Variants in TMED9 observed in about 807,000 individuals in gnomAD.
TMED9 encodes transmembrane p24 trafficking protein 9.
Under a neutral mutation model 30.6 loss-of-function variants are expected in TMED9, and 22 were observed. That is an observed-to-expected ratio of 0.72 (90% CI 0.51 to 1.03). The LOEUF (loss-of-function observed/expected upper bound fraction) is 1.03, where lower values mean the gene tolerates loss of function less well. Ranked by LOEUF, TMED9 falls within the 50% of genes least tolerant of loss-of-function variation. The pLI is 0.00. For synonymous variants in TMED9, 146 were observed against 122.8 expected (o/e 1.19, Z -1.25); for missense variants, 251 against 302.1 (o/e 0.83, Z 1.25).
chr5:177,596,955 G>T lies in TMED9; in HGVS notation c.*1539G>T, dbSNP rs188574549. On this transcript the variant is annotated 3_prime_UTR_variant, in exon 5 of 5. Coordinates refer to ENST00000332598, the MANE Select transcript of TMED9 (RefSeq NM_017510.6). Reference sequence around the variant, plus strand: ...CTGTTGGGGGTTGGGGGAGGCAAATGGGCAGGCAGTTTTGAGAAGAACCTT... The same window carrying T: ...CTGTTGGGGGTTGGGGGAGGCAAATTGGCAGGCAGTTTTGAGAAGAACCTT... 9.9e-5 allele frequency among the ~76,000 whole-genome samples: 15 copies of T among 152,260 alleles called. No individual in the cohort carries two copies. The East Asian group carries it at 2.9e-3, about 29-fold the overall frequency.
Position 177,595,868 on chromosome 5 carries a change from C to T in TMED9, c.*452C>T, listed in dbSNP as rs1767681308. ...CACTGTTCTCTCTTTCAGCCTAGAC[C>T]TGCTGATCCAGGGTGTGTGTGAGTT... On this transcript the variant is annotated 3_prime_UTR_variant, in exon 5 of 5. Transcript: ENST00000332598. 1 of 153,386 alleles carries T rather than the reference C, an allele frequency of 6.5e-6. No individual in the cohort carries two copies. Among genetic ancestry groups the T allele is most frequent in the Admixed American group, 6.5e-5 (1 of 15,342 alleles). The allele number at this position is 153,386 out of a possible 1,614,324, so 9.5% of individuals were successfully genotyped here.
Position 177,595,432 on chromosome 5 carries a change from C to A in TMED9, c.*16C>A. The A allele has an allele frequency of 6.3e-7, 1 of 1,594,550 alleles. No homozygotes were observed. Among genetic ancestry groups the A allele is most frequent in the Non-Finnish European group, 8.6e-7 (1 of 1,166,098 alleles). On this transcript the variant is annotated 3_prime_UTR_variant, in exon 5 of 5. Coordinates refer to ENST00000332598, the MANE Select transcript of TMED9 (RefSeq NM_017510.6). ...GCTTGTGTAGCTGTCCCAGGCGTCA[C>A]AACCCATCCTCCCAGGCTGGGGGAG...
At chr5:177,594,325 A>G (rs376214139) in intron 4 of TMED9, 40 bp downstream of exon 4, 31 of 1,607,258 alleles carry the variant, frequency 1.9e-5, no homozygotes, top group Non-Finnish European at 2.6e-5. Context: ...TCTCCCTAGA[A>G]GCTGCCCACT....
chr5:177,592,503 C>T (rs1767606571), intron 1 of TMED9, 72 bp from the exon 2 acceptor site: 3 of 1,560,158 alleles, frequency 1.9e-6, no homozygotes, highest in African/African-American at 1.4e-5. Context: ...ACGGCCTCGC[C>T]GTGCCCAGGC....
Position 177,596,385 on chromosome 5 carries a change from A to C in TMED9, c.*969A>C, listed in dbSNP as rs1452015473. On this transcript the variant is annotated 3_prime_UTR_variant, in exon 5 of 5. Coordinates refer to ENST00000332598, the MANE Select transcript of TMED9 (RefSeq NM_017510.6). ...GAAGTTCCCTCTTTCTAGAGTCAGT[A>C]AGCAGGATTGTCATGGATGCTGCCA... is the stretch of plus-strand genomic sequence containing the variant. 6.6e-6 allele frequency among the ~76,000 whole-genome samples: 1 copy of C among 152,140 alleles called. No homozygotes were observed. The highest frequency in any genetic ancestry group is 2.1e-4 in the South Asian group (1 of 4,822).
rs146269485 is a variant in TMED9, at chr5:177,593,599, C to G, written c.286-51C>G. The G allele has an allele frequency of 9.0e-3, 14,416 of 1,609,708 alleles. 170 individuals are homozygous for G. Among genetic ancestry groups the G allele is most frequent in the Middle Eastern group, 0.064 (389 of 6,032 alleles). ...TTAGAGCCTTAAGCACTGTTTTCCT[C>G]CATTCCCATCCCTACCATAATACTG... On this transcript the variant is annotated intron_variant, in intron 2 of 4. Transcript: ENST00000332598.
intron 4 of TMED9, 80 bp from the exon 5 acceptor site, chr5:177,595,187 C>A: frequency 3.5e-6 from 5 of 1,441,196 alleles, no homozygotes; most frequent in Non-Finnish European, 4.6e-6. Flanking sequence ...AGCTGGCTGA[C>A]CTTGGGCATC....
rs1487347705 is a variant in TMED9 at position 177,595,417 on chromosome 5, C to T, written c.*1C>T. 1 of 1,605,562 alleles carries T rather than the reference C, an allele frequency of 6.2e-7. No homozygotes were observed. Among genetic ancestry groups the T allele is most frequent in the East Asian group, 2.2e-5 (1 of 44,576 alleles). On this transcript the variant is annotated 3_prime_UTR_variant, in exon 5 of 5. Transcript: ENST00000332598. ...CTTTGAAGCCAAGAAGCTTGTGTAG[C>T]TGTCCCAGGCGTCACAACCCATCCT...
chr5:177,595,799 TG>T lies in TMED9; in HGVS notation c.*387del, dbSNP rs1767679803. 6.4e-6 allele frequency: 1 copy of T among 156,506 alleles called. No homozygotes were observed. Among genetic ancestry groups the T allele is most frequent in the African/African-American group, 2.4e-5 (1 of 41,524 alleles). 9.7% of individuals were successfully genotyped at this position (156,506 alleles called of 1,614,324 possible). A position where few individuals can be genotyped will look rare whatever the true frequency, so the allele number is the denominator to read the frequency against. ...TGCTAACTTAGGGTTTTGAGCAGGT[TG>T]GGGTATGGTGCCTGTCATACCCACC... On this transcript the variant is annotated 3_prime_UTR_variant, in exon 5 of 5. Coordinates refer to ENST00000332598, the MANE Select transcript of TMED9 (RefSeq NM_017510.6).
At position 177,595,504 on chromosome 5, in the gene TMED9, C is replaced by T. The variant is rs1425624362; in HGVS notation, c.*88C>T. On this transcript the variant is annotated 3_prime_UTR_variant, in exon 5 of 5. Coordinates refer to ENST00000332598, the MANE Select transcript of TMED9 (RefSeq NM_017510.6). ...TTCTTCTGTCAGGAGGACTGGTTTC[C>T]AGCCATACCTGTTCTGGAAGGGAGA... 33 of 1,479,606 alleles carry T rather than the reference C, an allele frequency of 2.2e-5. No individual in the cohort carries two copies. The highest frequency in any genetic ancestry group is 2.8e-5 in the African/African-American group (2 of 71,396). The allele number at this position is 1,479,606 out of a possible 1,614,324, so 91.7% of individuals were successfully genotyped here.
At chr5:177,594,562 G>A (rs1767650558) in intron 4 of TMED9, among the ~76,000 whole-genome samples, 1 of 152,102 alleles carries the variant, frequency 6.6e-6, no homozygotes, top group Non-Finnish European at 1.5e-5. Context: ...ATGCTCCCAG[G>A]ACCAGGGTCT....
Position 177,596,159 on chromosome 5 carries a change from G to C in TMED9, c.*743G>C, listed in dbSNP as rs1767687637. The C allele has an allele frequency of 6.6e-6, 1 of 152,600 alleles. No individual in the cohort carries two copies. The highest frequency in any genetic ancestry group is 2.1e-4 in the South Asian group (1 of 4,834). 9.5% of individuals were successfully genotyped at this position (152,600 alleles called of 1,614,324 possible). A position where few individuals can be genotyped will look rare whatever the true frequency, so the allele number is the denominator to read the frequency against. On this transcript the variant is annotated 3_prime_UTR_variant, in exon 5 of 5. Transcript: ENST00000332598. Reference sequence around the variant, plus strand: ...CAGTCATCAGTGGGCACACACTGCAGGGTGCCTCAGGGAATGCCAGTTCTT... The same window carrying C: ...CAGTCATCAGTGGGCACACACTGCACGGTGCCTCAGGGAATGCCAGTTCTT...
At position 177,592,557 on chromosome 5, in the gene TMED9, C is replaced by A; in HGVS notation, c.185-18C>A. On this transcript the variant is annotated intron_variant, in intron 1 of 4. Coordinates refer to ENST00000332598, the MANE Select transcript of TMED9 (RefSeq NM_017510.6). ...ACCTCGCGCTCCTCTGACCTGGGCTCGCCCTGCTTCCCTCAAGGAAACTAC... is the reference window on the plus strand; with the variant it reads ...ACCTCGCGCTCCTCTGACCTGGGCTAGCCCTGCTTCCCTCAAGGAAACTAC... 6.2e-7 allele frequency: 1 copy of A among 1,606,610 alleles called. No homozygotes were observed. The highest frequency in any genetic ancestry group is 2.2e-5 in the East Asian group (1 of 44,708).
Position 177,593,704 on chromosome 5 carries a change from A to G in TMED9, c.340A>G (p.Thr114Ala). The change falls in exon 3 of 5, where the codon ACC becomes GCC. Residue 114 changes from threonine to alanine, a missense_variant. Transcript: ENST00000332598. Reference protein sequence around the residue: ...SEGRFTFTSHTPGEHQICLHS... With the variant: ...SEGRFTFTSHAPGEHQICLHS... ...GGGCAGGTTCACTTTCACTTCCCATACCCCTGGTGAGCACCAGATCTGTCT... is the reference window on the plus strand; with the variant it reads ...GGGCAGGTTCACTTTCACTTCCCATGCCCCTGGTGAGCACCAGATCTGTCT... The G allele has an allele frequency of 6.2e-7, 1 of 1,613,828 alleles. No individual in the cohort carries two copies. Among genetic ancestry groups the G allele is most frequent in the Non-Finnish European group, 8.5e-7 (1 of 1,179,974 alleles).
chr5:177,596,145 G>A lies in TMED9; in HGVS notation c.*729G>A, dbSNP rs774046123. Reference sequence around the variant, plus strand: ...CAGTGCAAGTGACTCAGTCATCAGTGGGCACACACTGCAGGGTGCCTCAGG... The same window carrying A: ...CAGTGCAAGTGACTCAGTCATCAGTAGGCACACACTGCAGGGTGCCTCAGG... On this transcript the variant is annotated 3_prime_UTR_variant, in exon 5 of 5. Transcript: ENST00000332598. 1 of 152,604 alleles carries A rather than the reference G, an allele frequency of 6.6e-6. No homozygotes were observed. The highest frequency in any genetic ancestry group is 1.5e-5 in the Non-Finnish European group (1 of 68,054). 9.5% of individuals were successfully genotyped at this position (152,604 alleles called of 1,614,324 possible). A position where few individuals can be genotyped will look rare whatever the true frequency, so the allele number is the denominator to read the frequency against.
chr5:177,593,306 A>G, intron 2 of TMED9: 1 of 210,548 alleles, frequency 4.7e-6, no homozygotes, highest in Non-Finnish European at 9.6e-6. Context: ...AGCCAGGACG[A>G]CAGAGTGAGA....
In TMED9 at chr5:177,594,374, C is replaced by G. The variant is rs895290630; in HGVS notation, c.558+89C>G. On this transcript the variant is annotated intron_variant, in intron 4 of 4. Transcript: ENST00000332598. ...ATTTCACATTAAATTCATTCTGAGA[C>G]CCCCAAGGGACTTACCTGCACTGCA... 1.1e-5 allele frequency: 16 copies of G among 1,500,640 alleles called. No individual in the cohort carries two copies. The Admixed American group carries it at 1.4e-4, about 13-fold the overall frequency. The allele number at this position is 1,500,640 out of a possible 1,614,324, so 93.0% of individuals were successfully genotyped here.
Position 177,592,318 on chromosome 5 carries a change from G to C in TMED9, c.104G>C (p.Gly35Ala). ...CTGGTGCTGTGGCTGGCGACGCGCG[G>C]AAGCGCGCTCTACTTTCACATCGGA... ...LLLVLWLATR[G>A]SALYFHIGET... The change falls in exon 1 of 5, where the codon GGA becomes GCA. Residue 35 changes from glycine to alanine, a missense_variant. Physicochemically the swap from Gly to Ala is moderately conservative, Grantham distance 60 (BLOSUM62 0). Around this residue, in one of 2 missense-constraint regions of TMED9, gnomAD observed 98 missense variants for 62.5 expected, o/e 1.57. Coordinates refer to ENST00000332598, the MANE Select transcript of TMED9 (RefSeq NM_017510.6). 3 of 1,606,384 alleles carry C rather than the reference G, an allele frequency of 1.9e-6. No homozygotes were observed. The highest frequency in any genetic ancestry group is 1.7e-6 in the Non-Finnish European group (2 of 1,176,630).
chr5:177,593,207 T>C (rs1051808521), intron 2 of TMED9: 1 of 159,296 alleles, frequency 6.3e-6, no homozygotes, highest in Non-Finnish European at 1.3e-5. Flanking sequence ...ACACCTCTAA[T>C]ACCAGATACT....
Sources: gnomAD v4.1 joint callset for allele counts (sites outside exome capture counted in the v4.1 genomes callset) on GRCh38, gnomAD v4.1.1 for gene constraint, gnomAD v4.1.1 regional missense constraint, MANE v1.5 for transcripts, NCBI Gene and HGNC (gene_info 2026-07-23, HGNC 2026-07-21) for gene names.